The following EXPH5 variants were observed in gnomAD, a reference collection of about 807,000 sequenced individuals.
EXPH5 encodes exophilin-5.
A neutral mutation model predicts 41.1 loss-of-function variants in EXPH5; 42 were observed. The ratio of observed to expected loss-of-function variants is 1.02; its 90% confidence interval spans 0.80 to 1.32. The LOEUF is 1.32. EXPH5 is among the 40% of genes most tolerant of loss of function. The pLI is 0.00. For missense variants in EXPH5, 2,298 were observed against 2,314.5 expected (o/e 0.99, Z 0.15); for synonymous variants, 798 against 833.5 (o/e 0.96, Z 0.73).
At position 108,513,227 on chromosome 11, in the gene EXPH5, T is replaced by C. The variant is rs557439033; in HGVS notation, c.2280A>G (p.Ala760=). 11 of 1,613,656 alleles carry C rather than the reference T, an allele frequency of 6.8e-6. No individual in the cohort carries two copies. The highest frequency in any genetic ancestry group is 8.5e-6 in the Non-Finnish European group (10 of 1,179,860). ...ACTTTTTTGAACTTATTATGGTAGA[T>C]GCATTAAAACCAAACCCGTTGCTCT... ...SAKSNGFGFN[A]STIISSKKSP... The change falls in exon 6 of 6, where the codon GCA becomes GCG. Residue 760 remains alanine, a synonymous_variant. Coordinates refer to ENST00000265843, the MANE Select transcript of EXPH5 (RefSeq NM_015065.3).
chr11:108,512,402 C>T lies in EXPH5; in HGVS notation c.3105G>A (p.Gln1035=). 1 of 1,609,914 alleles carries T rather than the reference C, an allele frequency of 6.2e-7. No homozygotes were observed. Among genetic ancestry groups the T allele is most frequent in the Non-Finnish European group, 8.5e-7 (1 of 1,178,574 alleles). ...AAGCAGCCATTATTTTACTTCCTGA[C>T]TGCCTGCCATGTATGAGAAAACTGC... ...KSSSFLIHGR[Q]SGSKIMAASL... is the part of the protein sequence containing the mutation. Residue 1035 remains glutamine, a synonymous_variant, in exon 6 of 6, where the codon CAG becomes CAA. Transcript: ENST00000265843.
chr11:108,541,946 C>T (rs974196847), intron 1 of EXPH5, 134 bp from the exon 2 acceptor site: 9 of 635,820 alleles, frequency 1.4e-5, no homozygotes, highest in Non-Finnish European at 2.1e-5. Context: ...GGCACAACCT[C>T]GTCTCACTGC....
At chr11:108,532,744 C>T (rs2093851795) in intron 3 of EXPH5, among the ~76,000 whole-genome samples, 1 of 152,114 alleles carries the variant, frequency 6.6e-6, no homozygotes, top group Non-Finnish European at 1.5e-5. Flanking sequence ...ATCAGATAGG[C>T]CTCTGAGCCT....
intron 1 of EXPH5, among the ~76,000 whole-genome samples, chr11:108,583,398 A>AAATAAC (rs1159316660): frequency 6.6e-6 from 1 of 151,874 alleles, no homozygotes; most frequent in Non-Finnish European, 1.5e-5. Flanking sequence ...AAAAAAATAA[A>AAATAAC]TAAGTATATC....
At chr11:108,540,722 T>C (rs2093908062) in intron 2 of EXPH5, among the ~76,000 whole-genome samples, 1 of 152,158 alleles carries the variant, frequency 6.6e-6, no homozygotes, top group Admixed American at 6.6e-5. Flanking sequence ...AAGGCATTTA[T>C]TAGAAGTCAT....
upstream of EXPH5, among the ~76,000 whole-genome samples, chr11:108,598,216 C>T (rs1247582424): frequency 3.9e-5 from 6 of 152,102 alleles, no homozygotes; most frequent in Non-Finnish European, 8.8e-5. Flanking sequence ...TACAAATGTC[C>T]TCAAATTGGT....
At chr11:108,532,736 CAGAT>C (rs1176084743) in intron 3 of EXPH5, among the ~76,000 whole-genome samples, 2 of 152,160 alleles carry the variant, frequency 1.3e-5, no homozygotes, top group Non-Finnish European at 2.9e-5. Flanking sequence ...CATAGAAAAT[CAGAT>C]AGGCCTCTGA....
rs934004022 is a variant in EXPH5, at chr11:108,505,889, G to A, written c.*3648C>T. On this transcript the variant is annotated 3_prime_UTR_variant, in exon 6 of 6. Coordinates refer to ENST00000265843, the MANE Select transcript of EXPH5 (RefSeq NM_015065.3). ...CTCCTACACAAAGTAGCTGTTATTAGCTTATCACCAACCAAACCTTTGTTA... is the reference window on the plus strand; with the variant it reads ...CTCCTACACAAAGTAGCTGTTATTAACTTATCACCAACCAAACCTTTGTTA... 2.6e-5 allele frequency: 4 copies of A among 152,142 alleles called. No individual in the cohort carries two copies. Among genetic ancestry groups the A allele is most frequent in the African/African-American group, 7.2e-5 (3 of 41,406 alleles). 9.4% of individuals were successfully genotyped at this position (152,142 alleles called of 1,614,324 possible).
chr11:108,523,705 C>T (rs1004811515), intron 4 of EXPH5, among the ~76,000 whole-genome samples: 1 of 152,154 alleles, frequency 6.6e-6, no homozygotes, highest in Non-Finnish European at 1.5e-5. Context: ...AGCCCTGTCT[C>T]TACCAAAAAT....
chr11:108,553,714 T>G (rs1187055685), intron 1 of EXPH5, among the ~76,000 whole-genome samples: 3 of 152,222 alleles, frequency 2.0e-5, no homozygotes, highest in Admixed American at 6.5e-5. Flanking sequence ...CAACATATAT[T>G]TGCTCAATCT....
At chr11:108,592,640 T>C (rs79972316) in intron 1 of EXPH5, among the ~76,000 whole-genome samples, 1 of 152,282 alleles carries the variant, frequency 6.6e-6, no homozygotes, top group African/African-American at 2.4e-5. Context: ...TTAATGTACA[T>C]CCTGGGTAAT....
At chr11:108,593,859 GTCCCTCGTCCCC>G (rs1258772161), upstream of EXPH5, 47 of 886,414 alleles carry the variant, frequency 5.3e-5, 1 homozygote, top group South Asian at 6.3e-4. Context: ...GTCTCGTCCC[GTCCCTCGTCCCC>G]TCCCTCGTCC....
intron 1 of EXPH5, among the ~76,000 whole-genome samples, chr11:108,592,993 T>C (rs1312224225): frequency 6.6e-6 from 1 of 152,168 alleles, no homozygotes; most frequent in East Asian, 1.9e-4. Flanking sequence ...GTCGGACCCG[T>C]GCGAGCACGT....
intron 1 of EXPH5, among the ~76,000 whole-genome samples, chr11:108,581,322 T>A (rs77788948): frequency 0.25 from 37,557 of 151,086 alleles, 5,178 homozygotes; most frequent in South Asian, 0.37. Context: ...GAAAAAAATA[T>A]ATATATATGT....
At chr11:108,577,943 C>G (rs1385486164) in intron 1 of EXPH5, among the ~76,000 whole-genome samples, 1 of 151,672 alleles carries the variant, frequency 6.6e-6, no homozygotes, top group Non-Finnish European at 1.5e-5. Context: ...GTTATTAATC[C>G]CTGTTGGATG....
At chr11:108,558,056 C>T (rs931777081) in intron 1 of EXPH5, among the ~76,000 whole-genome samples, 63 of 152,152 alleles carry the variant, frequency 4.1e-4, no homozygotes, top group African/African-American at 1.4e-3. Flanking sequence ...AATTCTCCTG[C>T]TTCGGCCTCC....
intron 3 of EXPH5, among the ~76,000 whole-genome samples, chr11:108,535,587 CAG>C (rs1244587803): frequency 1.3e-5 from 2 of 152,028 alleles, no homozygotes; most frequent in African/African-American, 2.4e-5. Context: ...AGGCGGGTAA[CAG>C]AGAGAGATCA....
At chr11:108,515,929 G>A (rs558635806) in intron 5 of EXPH5, among the ~76,000 whole-genome samples, 12 of 152,040 alleles carry the variant, frequency 7.9e-5, no homozygotes, top group East Asian at 5.8e-4. Flanking sequence ...AAAATTAGCC[G>A]GGCGTGGTGG....
intron 5 of EXPH5, among the ~76,000 whole-genome samples, chr11:108,517,648 G>A (rs2093735357): frequency 6.6e-6 from 1 of 151,812 alleles, no homozygotes; most frequent in South Asian, 2.1e-4. Context: ...AAGGTTAATT[G>A]TCTAATGTCA....
Sources: allele counts gnomAD v4.1 joint callset (sites outside exome capture counted in the v4.1 genomes callset), GRCh38; gene constraint gnomAD v4.1.1; transcripts MANE v1.5; gene names NCBI Gene and HGNC (gene_info 2026-07-23, HGNC 2026-07-21).